DCC: variants seen among roughly 807,000 people sequenced by gnomAD.
The protein encoded by DCC is netrin receptor DCC.
In DCC, 58 loss-of-function variants were observed where a neutral mutation model predicts 172.5. The ratio of observed to expected loss-of-function variants is 0.34; its 90% CI spans 0.27 to 0.42. The LOEUF is 0.42. Among genes scored for constraint, DCC ranks in the 10% least tolerant of loss-of-function variants. The pLI, the probability that DCC is intolerant of heterozygous loss-of-function variation, is 1.00. For synonymous variants in DCC, 709 were observed against 644.5 expected, an observed-to-expected ratio of 1.10 and a Z score of -1.52; for missense variants, 1,740 against 1,791.0, an observed-to-expected ratio of 0.97 and a Z score of 0.51.
intron 1 of DCC, among the ~76,000 whole-genome samples, chr18:52,518,760 G>A (rs879567186): frequency 5.3e-5 from 8 of 152,322 alleles, no homozygotes; most frequent in African/African-American, 1.7e-4. Context: ...CTCATAAACT[G>A]AGAATGTTTG....
chr18:52,695,892 C>T (rs1334656213), intron 1 of DCC, among the ~76,000 whole-genome samples: 1 of 152,200 alleles, frequency 6.6e-6, no homozygotes, highest in Non-Finnish European at 1.5e-5. Context: ...TTGCAAGGCA[C>T]CACTGGGACC....
At chr18:53,380,805 T>C (rs536589931) in intron 15 of DCC, among the ~76,000 whole-genome samples, 1 of 152,292 alleles carries the variant, frequency 6.6e-6, no homozygotes, top group African/African-American at 2.4e-5. Flanking sequence ...GGGATATTCT[T>C]ATACCAGTTA....
At chr18:53,459,092 G>T in intron 23 of DCC, 140 bp from the exon 24 acceptor site, 1 of 729,394 alleles carries the variant, frequency 1.4e-6, no homozygotes, top group Non-Finnish European at 2.4e-6. Context: ...AGACAAGTCT[G>T]CCAATTCCTG....
chr18:52,751,029 A>G (rs1478197114), intron 1 of DCC, among the ~76,000 whole-genome samples: 1 of 152,208 alleles, frequency 6.6e-6, no homozygotes, highest in Non-Finnish European at 1.5e-5. Context: ...GTGTTTCAGG[A>G]GAAAATGGGA....
chr18:53,344,238 C>G (rs1490156428), intron 15 of DCC, among the ~76,000 whole-genome samples: 1 of 151,678 alleles, frequency 6.6e-6, no homozygotes, highest in Non-Finnish European at 1.5e-5. Flanking sequence ...CATTGTTGTT[C>G]CTCTAGGTAT....
chr18:52,385,863 T>C lies in DCC; in HGVS notation c.91+44985T>C, dbSNP rs117679957. ...TGACAATTGTTTTCCTCTTTTAAAATTACCTCTTCACATATTGGTGCTGCG... is the reference window on the plus strand; with the variant it reads ...TGACAATTGTTTTCCTCTTTTAAAACTACCTCTTCACATATTGGTGCTGCG... On this transcript the variant is annotated intron_variant, in intron 1 of 28. Coordinates refer to ENST00000442544, the MANE Select transcript of DCC (RefSeq NM_005215.4). Among the ~76,000 whole-genome samples the C allele has an allele frequency of 9.9e-5, 15 of 152,236 alleles. No individual in the cohort carries two copies. In the East Asian group the frequency reaches 2.7e-3, roughly 27 times the overall value.
chr18:53,049,041 T>A (rs1489137769), intron 5 of DCC, among the ~76,000 whole-genome samples: 1 of 152,106 alleles, frequency 6.6e-6, no homozygotes, highest in Non-Finnish European at 1.5e-5. Flanking sequence ...GTTTAGTATT[T>A]TTTTTGTAAA....
At chr18:52,507,630 G>A (rs984416055) in intron 1 of DCC, among the ~76,000 whole-genome samples, 2 of 152,136 alleles carry the variant, frequency 1.3e-5, no homozygotes, top group Non-Finnish European at 2.9e-5. Context: ...CAAAAGTGAA[G>A]CCAGTCCAAG....
At chr18:53,524,863 T>C (rs2046437838) in intron 27 of DCC, among the ~76,000 whole-genome samples, 1 of 152,068 alleles carries the variant, frequency 6.6e-6, no homozygotes, top group Admixed American at 6.6e-5. Context: ...ATGTGCGAAC[T>C]TAGGCAAGTT....
intron 1 of DCC, among the ~76,000 whole-genome samples, chr18:52,689,978 T>A (rs1303100233): frequency 6.6e-6 from 1 of 151,974 alleles, no homozygotes; most frequent in East Asian, 1.9e-4. Flanking sequence ...AAGCCCTGAG[T>A]GGAAAGTGTA....
At chr18:52,629,097 T>C (rs78275759) in intron 1 of DCC, among the ~76,000 whole-genome samples, 3,051 of 152,342 alleles carry the variant, frequency 0.02, 100 homozygotes, top group African/African-American at 0.069. Context: ...TTCAAAATTA[T>C]TCTGTCTTTT....
At chr18:53,177,013 G>GT (rs1480607504) in intron 8 of DCC, among the ~76,000 whole-genome samples, 1 of 152,022 alleles carries the variant, frequency 6.6e-6, no homozygotes, top group African/African-American at 2.4e-5. Context: ...AAAATGATGA[G>GT]TTCATGTCCT....
At chr18:52,904,161 G>T (rs577827427) in intron 2 of DCC, among the ~76,000 whole-genome samples, 2 of 152,056 alleles carry the variant, frequency 1.3e-5, no homozygotes, top group African/African-American at 4.8e-5. Flanking sequence ...TATATGTGAG[G>T]GATAAATTAA....
chr18:52,938,397 C>T (rs117392040), intron 5 of DCC, among the ~76,000 whole-genome samples: 2,956 of 152,182 alleles, frequency 0.019, 61 homozygotes, highest in South Asian at 0.051. Context: ...ATAAGCTGTA[C>T]ATCCTAGTTG....
chr18:53,359,370 C>A (rs2057919385), intron 15 of DCC, among the ~76,000 whole-genome samples: 1 of 152,118 alleles, frequency 6.6e-6, no homozygotes, highest in Non-Finnish European at 1.5e-5. Flanking sequence ...GTCACCTACC[C>A]TTTATTATCT....
intron 25 of DCC, among the ~76,000 whole-genome samples, chr18:53,471,496 G>A (rs2045696476): frequency 6.6e-6 from 1 of 152,026 alleles, no homozygotes; most frequent in African/African-American, 2.4e-5. Context: ...AGATAATGTT[G>A]TTCCTCTGTG....
chr18:52,902,251 GAC>G (rs1433465445), intron 2 of DCC, among the ~76,000 whole-genome samples: 1 of 152,214 alleles, frequency 6.6e-6, no homozygotes, highest in African/African-American at 2.4e-5. Context: ...TGGGGCAAAA[GAC>G]AATGCCAGAA....
chr18:52,794,286 T>A, intron 2 of DCC, among the ~76,000 whole-genome samples: 1 of 152,268 alleles, frequency 6.6e-6, no homozygotes, highest in East Asian at 1.9e-4. Context: ...ATTCCTTCAA[T>A]CTTTGAGCAT....
intron 21 of DCC, among the ~76,000 whole-genome samples, chr18:53,420,755 G>A (rs950889367): frequency 6.6e-6 from 1 of 152,046 alleles, no homozygotes; most frequent in East Asian, 1.9e-4. Context: ...AATCATATTG[G>A]GGGTTAGAGA....
Sources: allele counts gnomAD v4.1 joint callset (sites outside exome capture counted in the v4.1 genomes callset), GRCh38; gene constraint gnomAD v4.1.1; transcripts MANE v1.5; gene names NCBI Gene and HGNC (gene_info 2026-07-23, HGNC 2026-07-21).